Variants in KYNU observed in about 807,000 individuals in gnomAD.
The protein encoded by KYNU is kynureninase.
Under a neutral mutation model 59.2 loss-of-function variants are expected in KYNU, and 54 were observed. That is an observed-to-expected ratio of 0.91 (90% CI 0.73 to 1.14). KYNU has a LOEUF of 1.14. Ranked by LOEUF, KYNU falls within the 50% of genes most tolerant of loss-of-function variation. KYNU has a pLI of 0.00. For synonymous variants in KYNU, 177 were observed against 192.0 expected (o/e 0.92, Z 0.65); for missense variants, 567 against 554.4 (o/e 1.02, Z -0.23).
rs1682433851 is a variant in KYNU, at chr2:142,910,156, A to G, written c.170-8453A>G. Reference sequence around the variant, plus strand: ...CTTTTTTTTTTTTTTTTTTTCTTTGAGACAGAGTCTTGCTCTGTCCCCCAG... The same window carrying G: ...CTTTTTTTTTTTTTTTTTTTCTTTGGGACAGAGTCTTGCTCTGTCCCCCAG... On this transcript the variant is annotated intron_variant, in intron 2 of 13. Transcript: ENST00000264170. Among the ~76,000 whole-genome samples, 8 of 33,136 alleles carry G rather than the reference A, an allele frequency of 2.4e-4. No individual in the cohort carries two copies. In the South Asian group the frequency reaches 0.013, roughly 56 times the overall value. The allele number at this position is 33,136 out of a possible 152,430, so 21.7% of individuals were successfully genotyped here.
intron 4 of KYNU, among the ~76,000 whole-genome samples, chr2:142,954,267 A>G (rs990300680): frequency 3.9e-5 from 6 of 152,104 alleles, no homozygotes; most frequent in Non-Finnish European, 8.8e-5. Context: ...CTCAGTGTGT[A>G]TGAATAAATG....
intron 4 of KYNU, among the ~76,000 whole-genome samples, chr2:142,946,535 G>T (rs1363039016): frequency 1.3e-5 from 2 of 152,172 alleles, no homozygotes; most frequent in Middle Eastern, 3.2e-3. Flanking sequence ...AGCACTAAAT[G>T]TTTTGAAAAT....
At chr2:142,979,069 G>A (rs913786727) in intron 8 of KYNU, among the ~76,000 whole-genome samples, 1 of 151,994 alleles carries the variant, frequency 6.6e-6, no homozygotes, top group Non-Finnish European at 1.5e-5. Flanking sequence ...TTCAGCACAG[G>A]CCCTATGTAT....
chr2:142,888,310 T>G (rs994618352), intron 2 of KYNU, among the ~76,000 whole-genome samples: 3 of 151,938 alleles, frequency 2.0e-5, no homozygotes, highest in African/African-American at 7.3e-5. Flanking sequence ...ATACAAAAAT[T>G]AATTAGGCGT....
chr2:142,884,211 T>C (rs1446278043), intron 1 of KYNU, among the ~76,000 whole-genome samples: 1 of 152,200 alleles, frequency 6.6e-6, no homozygotes, highest in East Asian at 1.9e-4. Flanking sequence ...ATAATAAATA[T>C]GGTGTTGAAA....
chr2:142,997,890 C>T (rs1685588765), intron 10 of KYNU, among the ~76,000 whole-genome samples: 1 of 152,124 alleles, frequency 6.6e-6, no homozygotes, highest in Non-Finnish European at 1.5e-5. Flanking sequence ...CATTTCATAA[C>T]TCCTCACATC....
At chr2:142,985,532 A>T (rs1272868603) in intron 9 of KYNU, among the ~76,000 whole-genome samples, 2 of 151,874 alleles carry the variant, frequency 1.3e-5, no homozygotes, top group Non-Finnish European at 2.9e-5. Flanking sequence ...ATATTTAGAG[A>T]ATCAACTTAG....
Position 142,984,927 on chromosome 2 carries a change from C to A in KYNU, c.730-157C>A, listed in dbSNP as rs1338210419. Among the ~76,000 whole-genome samples, 13 of 151,942 alleles carry A rather than the reference C, an allele frequency of 8.6e-5. 1 individual carries two copies. On this transcript the variant is annotated intron_variant, in intron 8 of 13. Transcript: ENST00000264170. The stretch of plus-strand genomic sequence containing the variant: ...GATCTGGTGGGCCTTCTGAAAGGGT[C>A]CTGGGAATTATGGATCATACTTTGT...
intron 7 of KYNU, among the ~76,000 whole-genome samples, chr2:142,958,259 G>A (rs1166426507): frequency 6.6e-6 from 1 of 152,162 alleles, no homozygotes; most frequent in South Asian, 2.1e-4. Flanking sequence ...TACTGGGTAT[G>A]TGACTTTGGG....
chr2:142,926,702 A>G (rs977677930), intron 3 of KYNU, among the ~76,000 whole-genome samples: 11 of 152,170 alleles, frequency 7.2e-5, no homozygotes, highest in African/African-American at 2.7e-4. Context: ...TAATGAGGAA[A>G]TTTCACACAG....
Position 142,982,286 on chromosome 2 carries a change from C to T in KYNU, c.730-2798C>T, listed in dbSNP as rs569882297. Among the ~76,000 whole-genome samples, 37 of 152,164 alleles carry T rather than the reference C, an allele frequency of 2.4e-4. 1 individual carries two copies. The highest frequency in any genetic ancestry group is 8.4e-4 in the African/African-American group (35 of 41,544). Reference sequence around the variant, plus strand: ...ATGTTTTGCAAAGTTCTATCACCTGCATTTAGCCAGTTTTTAAATTCATGT... The same window carrying T: ...ATGTTTTGCAAAGTTCTATCACCTGTATTTAGCCAGTTTTTAAATTCATGT... On this transcript the variant is annotated intron_variant, in intron 8 of 13. Transcript: ENST00000264170.
Position 142,953,016 on chromosome 2 carries a change from A to G in KYNU, c.374-1794A>G, listed in dbSNP as rs1465704935. On this transcript the variant is annotated intron_variant, in intron 4 of 13. Transcript: ENST00000264170. ...AGTTACTTTAGATAGTGTTTGTTTT[A>G]GAAATAGCAGTAAAAATTCACTCTA... 7.2e-5 allele frequency among the ~76,000 whole-genome samples: 11 copies of G among 152,302 alleles called. 1 individual carries two copies. In the East Asian group the frequency reaches 2.1e-3, roughly 29 times the overall value.
chr2:142,983,537 A>G (rs779879278), intron 8 of KYNU, among the ~76,000 whole-genome samples: 56 of 152,062 alleles, frequency 3.7e-4, no homozygotes, highest in Non-Finnish European at 3.8e-4. Context: ...CTGATTAAAT[A>G]TGCACATGAT....
In KYNU at chr2:142,897,221, G is replaced by A. The variant is rs1191800876; in HGVS notation, c.169+11685G>A. 7.9e-5 allele frequency among the ~76,000 whole-genome samples: 12 copies of A among 152,222 alleles called. No homozygotes were observed. In the South Asian group the frequency reaches 8.3e-4, roughly 11 times the overall value. ...ATATTTATTCTGCAGCTGTTTGCTG[G>A]AGTGTTCTTTAAAAGCCAGTTACAT... On this transcript the variant is annotated intron_variant, in intron 2 of 13. Transcript: ENST00000264170.
chr2:142,893,022 G>T lies in KYNU; in HGVS notation c.169+7486G>T, dbSNP rs531945731. 5.2e-4 allele frequency among the ~76,000 whole-genome samples: 79 copies of T among 152,144 alleles called. 1 individual carries two copies. The highest frequency in any genetic ancestry group is 9.6e-4 in the Non-Finnish European group (65 of 68,020). ...TGTTTGGTCATGGCCCTGCCTATCT[G>T]CAAAGAAGACTGAGTCTAAAACACA... On this transcript the variant is annotated intron_variant, in intron 2 of 13. Coordinates refer to ENST00000264170, the MANE Select transcript of KYNU (RefSeq NM_003937.3).
chr2:142,973,946 A>G (rs1247389626), intron 8 of KYNU, among the ~76,000 whole-genome samples: 1 of 152,178 alleles, frequency 6.6e-6, no homozygotes, highest in Non-Finnish European at 1.5e-5. Context: ...GTGTCTTAGA[A>G]AAAACACCCT....
At chr2:142,913,130 A>C (rs1490307797) in intron 2 of KYNU, among the ~76,000 whole-genome samples, 1 of 152,048 alleles carries the variant, frequency 6.6e-6, no homozygotes, top group Non-Finnish European at 1.5e-5. Flanking sequence ...GATTTTGTTT[A>C]TCCTTTTAAA....
chr2:142,923,310 T>C (rs895727301), intron 3 of KYNU, among the ~76,000 whole-genome samples: 38 of 152,334 alleles, frequency 2.5e-4, no homozygotes, highest in African/African-American at 8.9e-4. Context: ...TTCAACTCTA[T>C]GGGATTTCTA....
intron 1 of KYNU, among the ~76,000 whole-genome samples, chr2:142,884,136 G>T (rs1359147065): frequency 2.0e-5 from 3 of 152,178 alleles, no homozygotes; most frequent in Non-Finnish European, 4.4e-5. Context: ...GGGAAATGTT[G>T]CATGATGATT....
Sources: allele counts gnomAD v4.1 joint callset (sites outside exome capture counted in the v4.1 genomes callset), GRCh38; gene constraint gnomAD v4.1.1; transcripts MANE v1.5; gene names NCBI Gene and HGNC (gene_info 2026-07-23, HGNC 2026-07-21).